The following OVCH1 variants were observed in gnomAD, a reference collection of about 807,000 sequenced individuals.
OVCH1 encodes the protein ovochymase 1, also known as ovochymase-1.
Under a neutral mutation model 138.4 loss-of-function variants are expected in OVCH1, and 139 were observed. The observed-to-expected ratio is 1.00, with a 90% CI of 0.87 to 1.16. The LOEUF is 1.16. Among genes scored for constraint, OVCH1 ranks in the 50% most tolerant of loss-of-function variants. The pLI, the probability that OVCH1 is intolerant of heterozygous loss-of-function variation, is 0.00. For missense variants in OVCH1, 1,367 were observed against 1,357.9 expected (o/e 1.01, Z -0.11); for synonymous variants, 453 against 467.8 (o/e 0.97, Z 0.41).
chr12:29,428,944 C>G (rs768838527), intron 27 of OVCH1, among the ~76,000 whole-genome samples: 2 of 152,208 alleles, frequency 1.3e-5, no homozygotes, highest in Non-Finnish European at 1.5e-5. Flanking sequence ...CAATACATTT[C>G]TAAAGATTAT....
chr12:29,417,157 G>T (rs1030079784), intron 3 of OVCH1, among the ~76,000 whole-genome samples: 1 of 152,166 alleles, frequency 6.6e-6, no homozygotes, highest in Admixed American at 6.5e-5. Context: ...ATTAGTGGTT[G>T]CCAGGGATCT....
At chr12:29,424,769 T>A (rs1941155674), downstream of OVCH1, among the ~76,000 whole-genome samples, 6 of 152,202 alleles carry the variant, frequency 3.9e-5, no homozygotes, top group Admixed American at 3.9e-4. Flanking sequence ...TCAATCTCTG[T>A]CTGTGCCTCA....
intron 3 of OVCH1, among the ~76,000 whole-genome samples, chr12:29,413,507 A>C (rs1940987886): frequency 6.6e-6 from 1 of 152,230 alleles, no homozygotes; most frequent in Non-Finnish European, 1.5e-5. Flanking sequence ...AAGTATTTTT[A>C]TATCTAATAC....
the OVCH1 span, among the ~76,000 whole-genome samples, chr12:29,403,272 A>G: frequency 7.9e-5 from 12 of 152,240 alleles, no homozygotes; most frequent in Admixed American, 6.5e-4. Flanking sequence ...TTTAATCACA[A>G]TATTGAGTTC....
chr12:29,460,837 C>T (rs886646648), intron 19 of OVCH1, among the ~76,000 whole-genome samples: 1 of 152,054 alleles, frequency 6.6e-6, no homozygotes, highest in African/African-American at 2.4e-5. Flanking sequence ...GAATCCTTAT[C>T]TCAGGGTCTG....
intron 3 of OVCH1, among the ~76,000 whole-genome samples, chr12:29,418,834 A>AAAAT (rs1203965711): frequency 1.3e-5 from 2 of 152,172 alleles, no homozygotes; most frequent in Admixed American, 6.5e-5. Context: ...ATAATTACTA[A>AAAAT]AAATATATTA....
chr12:29,471,733 C>T (rs1942513948), intron 16 of OVCH1, 69 bp downstream of exon 16: 3 of 1,461,902 alleles, frequency 2.1e-6, no homozygotes, highest in African/African-American at 1.4e-5. Context: ...TAGTAGTCAG[C>T]CTTGTGTCCT....
downstream of OVCH1, among the ~76,000 whole-genome samples, chr12:29,409,788 A>G (rs1940929051): frequency 1.3e-5 from 2 of 152,048 alleles, no homozygotes; most frequent in Non-Finnish European, 2.9e-5. Context: ...TATTCTGTTG[A>G]TTTGGGGTGG....
At chr12:29,466,114 G>GGA (rs1445585031) in intron 16 of OVCH1, among the ~76,000 whole-genome samples, 1 of 121,046 alleles carries the variant, frequency 8.3e-6, no homozygotes, top group Non-Finnish European at 1.7e-5. Context: ...GGGGGAGGGG[G>GGA]GAGGGATAGC....
Position 29,496,394 on chromosome 12 carries a change from A to T in OVCH1, c.184-116T>A, listed in dbSNP as rs886467642. The stretch of plus-strand genomic sequence containing the variant: ...GACATAATATTCTTAAAATACCGAC[A>T]TAAATTGGATAGTAAGATAGTTCCT... On this transcript the variant is annotated intron_variant, in intron 2 of 27. Transcript: ENST00000318184. The T allele has an allele frequency of 9.5e-6, 11 of 1,163,100 alleles. No individual in the cohort carries two copies. The Admixed American group carries it at 2.2e-4, about 23-fold the overall frequency. The allele number at this position is 1,163,100 out of a possible 1,614,324, so 72.0% of individuals were successfully genotyped here.
intron 14 of OVCH1, among the ~76,000 whole-genome samples, chr12:29,474,104 CATAT>C (rs1035499007): frequency 4.2e-5 from 6 of 142,738 alleles, no homozygotes; most frequent in African/African-American, 1.7e-4. Flanking sequence ...CACACACACA[CATAT>C]ATATATCTGT....
chr12:29,426,680 AT>A (rs2135893446), downstream of OVCH1, among the ~76,000 whole-genome samples: 1 of 152,276 alleles, frequency 6.6e-6, no homozygotes, highest in Non-Finnish European at 1.5e-5. Context: ...TGCATACTGA[AT>A]TCCATATTCA....
chr12:29,443,973 ATTGTT>A (rs760920510), intron 24 of OVCH1, among the ~76,000 whole-genome samples, 167 bp downstream of exon 24: 18 of 152,050 alleles, frequency 1.2e-4, no homozygotes, highest in Non-Finnish European at 1.9e-4. Flanking sequence ...ACATTCTTAT[ATTGTT>A]TTGTTTTGTT....
At chr12:29,413,764 A>G (rs1033657970) in intron 3 of OVCH1, among the ~76,000 whole-genome samples, 2 of 152,092 alleles carry the variant, frequency 1.3e-5, no homozygotes, top group African/African-American at 2.4e-5. Context: ...CCTATCTGCT[A>G]TCCTGGATCA....
chr12:29,489,916 T>A, intron 5 of OVCH1, 145 bp from the exon 6 acceptor site: 1 of 931,646 alleles, frequency 1.1e-6, no homozygotes, highest in Non-Finnish European at 1.6e-6. Flanking sequence ...TATTCACTTC[T>A]AAAAATCAGA....
rs140204193 is a variant in OVCH1, at chr12:29,446,854, C to T, written c.2756-1451G>A. 1.9e-4 allele frequency among the ~76,000 whole-genome samples: 28 copies of T among 150,784 alleles called. No individual in the cohort carries two copies. In the East Asian group the frequency reaches 4.3e-3, roughly 23 times the overall value. ...TATTAAAGATTCTGACCTCAGAATG[C>T]GGAATAAATTTTTAAGCATGAAAGC... On this transcript the variant is annotated intron_variant, in intron 22 of 27. Transcript: ENST00000318184.
exon 10 of OVCH1, chr12:29,477,540 T>G: frequency 1.9e-6 from 3 of 1,613,880 alleles, no homozygotes; most frequent in Non-Finnish European, 2.5e-6. Context: ...CTTACACGTT[T>G]GTTTTGTTTT....
intron 22 of OVCH1, among the ~76,000 whole-genome samples, chr12:29,448,454 A>G (rs1308795987): frequency 6.6e-6 from 1 of 152,022 alleles, no homozygotes; most frequent in East Asian, 1.9e-4. Flanking sequence ...ACATTCCATC[A>G]AGAATTGAAG....
chr12:29,470,376 C>T (rs1014419858), intron 16 of OVCH1, among the ~76,000 whole-genome samples: 1 of 152,096 alleles, frequency 6.6e-6, no homozygotes. Flanking sequence ...AATGCTCTCC[C>T]TCCCCTTGTC....
Sources: allele counts gnomAD v4.1 joint callset (sites outside exome capture counted in the v4.1 genomes callset), GRCh38; gene constraint gnomAD v4.1.1; transcripts MANE v1.5; gene names NCBI Gene and HGNC (gene_info 2026-07-23, HGNC 2026-07-21).